Variants in KALRN observed in about 807,000 individuals in gnomAD.
The protein encoded by KALRN is kalirin.
KALRN carries 70 observed loss-of-function variants against 353.7 expected under a neutral mutation model. That is an observed-to-expected ratio of 0.20 (90% CI 0.16 to 0.24). KALRN has a LOEUF of 0.24. KALRN is among the 10% of genes least tolerant of loss of function. KALRN has a pLI of 1.00. For synonymous variants in KALRN, 1,391 were observed against 1,434.8 expected (o/e 0.97, Z 0.69); for missense variants, 2,791 against 3,756.7 (o/e 0.74, Z 6.72).
chr3:124,634,834 T>A (rs980021915), intron 36 of KALRN, among the ~76,000 whole-genome samples: 1 of 152,228 alleles, frequency 6.6e-6, no homozygotes, highest in African/African-American at 2.4e-5. Context: ...TGGTAGTGGA[T>A]GTGGCAGCTT....
intron 57 of KALRN, among the ~76,000 whole-genome samples, chr3:124,710,431 T>C (rs2062836330): frequency 6.6e-6 from 1 of 152,218 alleles, no homozygotes; most frequent in African/African-American, 2.4e-5. Context: ...AAGCATACTA[T>C]TGAGAGTCAT....
At chr3:124,534,160 C>A (rs2068310586) in intron 33 of KALRN, among the ~76,000 whole-genome samples, 2 of 152,150 alleles carry the variant, frequency 1.3e-5, no homozygotes, top group Admixed American at 1.3e-4. Context: ...TCTAAGATGA[C>A]ATACTAAATG....
intron 51 of KALRN, among the ~76,000 whole-genome samples, chr3:124,683,948 T>A (rs1221960183): frequency 6.6e-6 from 1 of 152,270 alleles, no homozygotes; most frequent in African/African-American, 2.4e-5. Flanking sequence ...TTTATTTTTA[T>A]GTTTTGTAGT....
At chr3:124,540,743 T>C (rs909410319) in intron 33 of KALRN, among the ~76,000 whole-genome samples, 5 of 152,190 alleles carry the variant, frequency 3.3e-5, no homozygotes, top group African/African-American at 1.2e-4. Context: ...TGAAGGTCAA[T>C]TTTTTGGCAG....
chr3:124,580,107 C>T (rs535527009), intron 34 of KALRN, among the ~76,000 whole-genome samples: 28 of 152,324 alleles, frequency 1.8e-4, no homozygotes, highest in African/African-American at 6.3e-4. Context: ...ATCAGCATCA[C>T]CTGGGAACTC....
chr3:124,088,240 C>A (rs1019729372), intron 1 of KALRN, among the ~76,000 whole-genome samples: 1 of 152,002 alleles, frequency 6.6e-6, no homozygotes, highest in African/African-American at 2.4e-5. Flanking sequence ...TCCTCAGTGC[C>A]GAGGGTCATC....
chr3:124,419,207 T>C (rs1391868613), intron 14 of KALRN, among the ~76,000 whole-genome samples: 2 of 151,828 alleles, frequency 1.3e-5, no homozygotes, highest in African/African-American at 4.8e-5. Context: ...TAAGATTTTA[T>C]ATTTACATTT....
Position 124,205,575 on chromosome 3 carries a change from C to T in KALRN, c.74-22415C>T, listed in dbSNP as rs150735571. 4.6e-5 allele frequency among the ~76,000 whole-genome samples: 7 copies of T among 152,230 alleles called. No homozygotes were observed. In the East Asian group the frequency reaches 1.3e-3, roughly 29 times the overall value. On this transcript the variant is annotated intron_variant, in intron 1 of 59. Transcript: ENST00000682506. ...ATGGTATGAAGCAAATGATTCTTCC[C>T]CTCCCTGAAATGCTAGAGACACAGA...
intron 1 of KALRN, among the ~76,000 whole-genome samples, chr3:124,190,730 T>C (rs1185400308): frequency 6.6e-6 from 1 of 152,198 alleles, no homozygotes; most frequent in Non-Finnish European, 1.5e-5. Flanking sequence ...AAAATGTTTT[T>C]CCTAGTCTCA....
intron 10 of KALRN, among the ~76,000 whole-genome samples, chr3:124,383,905 C>A (rs965202006): frequency 1.3e-5 from 2 of 152,150 alleles, no homozygotes; most frequent in African/African-American, 4.8e-5. Flanking sequence ...TTGATACTGA[C>A]TGCTCTGCTT....
At chr3:124,224,468 T>C (rs945006098) in intron 1 of KALRN, among the ~76,000 whole-genome samples, 1 of 152,160 alleles carries the variant, frequency 6.6e-6, no homozygotes, top group African/African-American at 2.4e-5. Flanking sequence ...CTGGGCTGCA[T>C]GAGGCCTGTA....
chr3:124,252,971 G>A (rs1360632050), intron 3 of KALRN, among the ~76,000 whole-genome samples: 1 of 152,194 alleles, frequency 6.6e-6, no homozygotes, highest in African/African-American at 2.4e-5. Context: ...GTAAGACACT[G>A]TCTCATCCAA....
At position 124,592,041 on chromosome 3, in the gene KALRN, G is replaced by A. The variant is rs750873829; in HGVS notation, c.5182+28952G>A. On this transcript the variant is annotated intron_variant, in intron 34 of 59. Coordinates refer to ENST00000682506, the MANE Select transcript of KALRN (RefSeq NM_001388419.1). ...AGAGTCTGGGCATAGTGGCTCACACGTGTAATCCCAGCACTCTGGGACGCT... is the reference window on the plus strand; with the variant it reads ...AGAGTCTGGGCATAGTGGCTCACACATGTAATCCCAGCACTCTGGGACGCT... Among the ~76,000 whole-genome samples the A allele has an allele frequency of 2.6e-5, 4 of 152,210 alleles. No homozygotes were observed. The East Asian group carries it at 7.7e-4, about 29-fold the overall frequency.
chr3:124,220,330 T>C (rs2077751736), intron 1 of KALRN, among the ~76,000 whole-genome samples: 1 of 152,136 alleles, frequency 6.6e-6, no homozygotes, highest in African/African-American at 2.4e-5. Flanking sequence ...AGCTCCTTAG[T>C]GTCTATAAAG....
chr3:124,671,333 C>T (rs914623455), intron 47 of KALRN, among the ~76,000 whole-genome samples: 3 of 152,148 alleles, frequency 2.0e-5, no homozygotes, highest in Non-Finnish European at 4.4e-5. Context: ...CTCGCCAACA[C>T]GTCACACTTG....
At chr3:124,274,509 A>G (rs1186619197) in intron 5 of KALRN, among the ~76,000 whole-genome samples, 8 of 152,254 alleles carry the variant, frequency 5.3e-5, no homozygotes, top group Non-Finnish European at 1.2e-4. Flanking sequence ...CCTTGCCCAA[A>G]GCTATTCTGG....
chr3:124,141,011 G>C (rs2066551696), intron 1 of KALRN, among the ~76,000 whole-genome samples: 1 of 152,140 alleles, frequency 6.6e-6, no homozygotes, highest in South Asian at 2.1e-4. Context: ...CTCTAGTTCT[G>C]AATGTGATAC....
intron 34 of KALRN, among the ~76,000 whole-genome samples, chr3:124,630,042 A>G (rs757892677): frequency 6.6e-6 from 1 of 152,218 alleles, no homozygotes; most frequent in African/African-American, 2.4e-5. Context: ...GGTAGAAACA[A>G]GCACTGAGAA....
intron 58 of KALRN, among the ~76,000 whole-genome samples, chr3:124,716,253 C>T (rs986187732): frequency 6.6e-6 from 1 of 152,102 alleles, no homozygotes; most frequent in Non-Finnish European, 1.5e-5. Context: ...GCCGGGCACG[C>T]TGGCTCATGT....
Sources: allele counts gnomAD v4.1 joint callset (sites outside exome capture counted in the v4.1 genomes callset), GRCh38; gene constraint gnomAD v4.1.1; transcripts MANE v1.5; gene names NCBI Gene and HGNC (gene_info 2026-07-23, HGNC 2026-07-21).